The following RYR3 variants were observed in gnomAD, a reference collection of about 807,000 sequenced individuals.
RYR3 encodes the protein ryanodine receptor 3, also known as brain ryanodine receptor-calcium release channel.
Under a neutral mutation model 584.3 loss-of-function variants are expected in RYR3, and 207 were observed. The observed-to-expected ratio is 0.35, with a 90% confidence interval of 0.32 to 0.40. RYR3 has a LOEUF of 0.40. RYR3 is among the 10% of genes least tolerant of loss of function. The probability of loss-of-function intolerance (pLI) is 1.00; values close to 1 mark genes in which losing one functional copy is unlikely to be tolerated. For synonymous variants in RYR3, 2,416 were observed against 2,248.5 expected, an observed-to-expected ratio of 1.07 and a Z score of -2.11; for missense variants, 5,616 against 6,089.2, an observed-to-expected ratio of 0.92 and a Z score of 2.59.
Position 33,311,736 on chromosome 15 carries a change from C to G in RYR3, c.51+640C>G, listed in dbSNP as rs945070654. Reference sequence around the variant, plus strand: ...TGACTGCCTGTCGTGTGTTCGAGAGCTGTGGCTTCTGCTCCTGGCTCCCGC... The same window carrying G: ...TGACTGCCTGTCGTGTGTTCGAGAGGTGTGGCTTCTGCTCCTGGCTCCCGC... On this transcript the variant is annotated intron_variant, in intron 1 of 103. Coordinates refer to ENST00000634891, the MANE Select transcript of RYR3 (RefSeq NM_001036.6). The surrounding 1 kb of genome is among the most constrained non-coding windows in gnomAD (Gnocchi z 4.4). Among the ~76,000 whole-genome samples, 1 of 152,232 alleles carries G rather than the reference C, an allele frequency of 6.6e-6. No individual in the cohort carries two copies. The highest frequency in any genetic ancestry group is 2.4e-5 in the African/African-American group (1 of 41,466).
At chr15:33,734,642 A>G (rs1693523345) in intron 48 of RYR3, among the ~76,000 whole-genome samples, 1 of 151,984 alleles carries the variant, frequency 6.6e-6, no homozygotes, top group South Asian at 2.1e-4. Flanking sequence ...TTTGAGCTGC[A>G]AATATTTCTA....
intron 1 of RYR3, among the ~76,000 whole-genome samples, chr15:33,424,519 C>A (rs2044463675): frequency 2.0e-5 from 3 of 152,158 alleles, no homozygotes; most frequent in Non-Finnish European, 4.4e-5. Flanking sequence ...GTCTGCTGCC[C>A]TCCTAAGCCA....
Position 33,838,067 on chromosome 15 carries a change from A to G in RYR3, c.12087A>G (p.Leu4029=). ...TGCTAAATTACTTCGAACCCTACCTAGGACGCATCGAGATCATGGGTGGGG... is the reference window on the plus strand; with the variant it reads ...TGCTAAATTACTTCGAACCCTACCTGGGACGCATCGAGATCATGGGTGGGG... The part of the protein sequence containing the change: ...ESVLNYFEPY[L]GRIEIMGGAK... Residue 4029 remains leucine (L), a synonymous_variant, in exon 89 of 104, where the codon CTA becomes CTG. Coordinates refer to ENST00000634891, the MANE Select transcript of RYR3 (RefSeq NM_001036.6). The G allele has an allele frequency of 1.2e-6, 2 of 1,613,978 alleles. No individual in the cohort carries two copies. Among genetic ancestry groups the G allele is most frequent in the Non-Finnish European group, 1.7e-6 (2 of 1,179,894 alleles).
chr15:33,854,557 G>A (rs2079443365), intron 97 of RYR3, 108 bp downstream of exon 97: 5 of 1,089,310 alleles, frequency 4.6e-6, no homozygotes, highest in Non-Finnish European at 6.6e-6. Flanking sequence ...GCTTATCAAA[G>A]ACCAAGAGCC....
intron 4 of RYR3, among the ~76,000 whole-genome samples, chr15:33,531,675 C>G (rs1272716208): frequency 1.3e-5 from 2 of 151,570 alleles, no homozygotes; most frequent in East Asian, 3.9e-4. Context: ...TGGTAAGAGG[C>G]TGACCTTTTC....
chr15:33,358,841 A>T (rs1974350503), intron 1 of RYR3, among the ~76,000 whole-genome samples: 1 of 152,200 alleles, frequency 6.6e-6, no homozygotes, highest in South Asian at 2.1e-4. Flanking sequence ...TTTACCAAAG[A>T]AGAGTGGCAA....
At chr15:33,452,819 A>T (rs913543742) in intron 1 of RYR3, among the ~76,000 whole-genome samples, 1 of 152,234 alleles carries the variant, frequency 6.6e-6, no homozygotes, top group African/African-American at 2.4e-5. Flanking sequence ...AATGGATTTT[A>T]TATGAAACTT....
intron 10 of RYR3, among the ~76,000 whole-genome samples, chr15:33,562,600 T>A (rs917813152): frequency 1.3e-5 from 2 of 152,132 alleles, no homozygotes; most frequent in Non-Finnish European, 2.9e-5. Flanking sequence ...TGTCCCCTTT[T>A]CCCGTGGATT....
chr15:33,716,181 C>T (rs906258369), intron 43 of RYR3, among the ~76,000 whole-genome samples: 10 of 152,176 alleles, frequency 6.6e-5, no homozygotes, highest in African/African-American at 9.7e-5. Context: ...TTGCTGGCAC[C>T]GTTTCCTGTA....
At chr15:33,735,726 A>G (rs2069397402) in intron 48 of RYR3, among the ~76,000 whole-genome samples, 1 of 152,206 alleles carries the variant, frequency 6.6e-6, no homozygotes, top group South Asian at 2.1e-4. Context: ...AGTTGTTTTG[A>G]GAACAAAGCC....
Position 33,819,629 on chromosome 15 carries a change from G to C in RYR3, c.10707-127G>C, listed in dbSNP as rs577196090. The C allele has an allele frequency of 2.5e-5, 12 of 476,540 alleles. No individual in the cohort carries two copies. In the Admixed American group the frequency reaches 5.1e-4, roughly 20 times the overall value. The allele number at this position is 476,540 out of a possible 1,614,324, so 29.5% of individuals were successfully genotyped here. On this transcript the variant is annotated intron_variant, in intron 76 of 103. Transcript: ENST00000634891. Reference sequence around the variant, plus strand: ...GCGGAGGTTGCAGTGAGCCGAGATCGCGTCATTGCACTCCAGCCTAGGGGA... The same window carrying C: ...GCGGAGGTTGCAGTGAGCCGAGATCCCGTCATTGCACTCCAGCCTAGGGGA...
chr15:33,545,400 G>T (rs1206853988), intron 8 of RYR3, among the ~76,000 whole-genome samples: 2 of 152,082 alleles, frequency 1.3e-5, no homozygotes, highest in African/African-American at 4.8e-5. Flanking sequence ...TTTCACAATA[G>T]GCACACTGGA....
At chr15:33,411,172 C>G (rs2043380150) in intron 1 of RYR3, among the ~76,000 whole-genome samples, 1 of 152,146 alleles carries the variant, frequency 6.6e-6, no homozygotes, top group African/African-American at 2.4e-5. Flanking sequence ...TGCCCCCTAC[C>G]TGGATTTGTC....
chr15:33,365,206 G>C (rs1330948013), intron 1 of RYR3, among the ~76,000 whole-genome samples: 1 of 152,182 alleles, frequency 6.6e-6, no homozygotes, highest in Non-Finnish European at 1.5e-5. Flanking sequence ...TCCTCCTTGG[G>C]GGCCACAGTG....
At chr15:33,683,384 A>G (rs1300867044) in intron 38 of RYR3, among the ~76,000 whole-genome samples, 2 of 152,194 alleles carry the variant, frequency 1.3e-5, no homozygotes, top group Non-Finnish European at 2.9e-5. Flanking sequence ...AACAGAAATA[A>G]AATCAGTATT....
At chr15:33,811,104 T>A (rs544138794) in intron 72 of RYR3, 67 bp downstream of exon 72, 4 of 1,320,190 alleles carry the variant, frequency 3.0e-6, no homozygotes, top group Non-Finnish European at 4.3e-6. Context: ...TTCCAGCTTT[T>A]CACTTCATTT....
At chr15:33,405,160 T>C (rs2042939244) in intron 1 of RYR3, among the ~76,000 whole-genome samples, 1 of 152,196 alleles carries the variant, frequency 6.6e-6, no homozygotes, top group Admixed American at 6.5e-5. Flanking sequence ...ATATAAAACT[T>C]TGGTTTTCTT....
Position 33,634,883 on chromosome 15 carries a change from T to C in RYR3, c.3175+150T>C, listed in dbSNP as rs565299121. 23 of 668,796 alleles carry C rather than the reference T, an allele frequency of 3.4e-5. No homozygotes were observed. The East Asian group carries it at 5.5e-4, about 16-fold the overall frequency. The allele number at this position is 668,796 out of a possible 1,614,324, so 41.4% of individuals were successfully genotyped here. A position where few individuals can be genotyped will look rare whatever the true frequency, so the allele number is the denominator to read the frequency against. On this transcript the variant is annotated intron_variant, in intron 25 of 103. Coordinates refer to ENST00000634891, the MANE Select transcript of RYR3 (RefSeq NM_001036.6). ...GACTAAATGGTGTGATTTTTTTTAT[T>C]GTTATCGGGGAGACCATGTTTGATA...
intron 16 of RYR3, among the ~76,000 whole-genome samples, chr15:33,600,275 G>C (rs2059592902): frequency 2.0e-5 from 3 of 152,112 alleles, no homozygotes; most frequent in Non-Finnish European, 4.4e-5. Flanking sequence ...ACACCTTGAA[G>C]CTATCAAACC....
Sources: gnomAD v4.1 joint callset for allele counts (sites outside exome capture counted in the v4.1 genomes callset) on GRCh38, gnomAD v4.1.1 for gene constraint, Gnocchi (gnomAD v3.1) non-coding constraint, MANE v1.5 for transcripts, NCBI Gene and HGNC (gene_info 2026-07-23, HGNC 2026-07-21) for gene names.